The following NDFIP2 variants were observed in gnomAD, a reference collection of about 807,000 sequenced individuals.
NDFIP2 encodes NEDD4 family-interacting protein 2.
NDFIP2 carries 19 observed loss-of-function variants against 36.0 expected under a neutral mutation model. That is an observed-to-expected ratio of 0.53 (90% CI 0.37 to 0.77). The LOEUF (loss-of-function observed/expected upper bound fraction) is 0.77, where lower values mean the gene tolerates loss of function less well. NDFIP2 is among the 30% of genes least tolerant of loss of function. The pLI is 0.00. For missense variants in NDFIP2, 446 were observed against 435.8 expected, an observed-to-expected ratio of 1.02 and a Z score of -0.21; for synonymous variants, 181 against 167.7, an observed-to-expected ratio of 1.08 and a Z score of -0.61.
intron 6 of NDFIP2, among the ~76,000 whole-genome samples, chr13:79,550,764 T>G (rs1875877507): frequency 6.6e-6 from 1 of 151,636 alleles, no homozygotes; most frequent in Admixed American, 6.6e-5. Flanking sequence ...ATGTATATTT[T>G]TATGTAATTC....
intron 3 of NDFIP2, among the ~76,000 whole-genome samples, chr13:79,538,543 T>C (rs1875334801): frequency 6.6e-6 from 1 of 152,182 alleles, no homozygotes; most frequent in Non-Finnish European, 1.5e-5. Context: ...ACAAGCCCCA[T>C]GGAAGACCGA....
intron 1 of NDFIP2, among the ~76,000 whole-genome samples, chr13:79,486,568 A>G (rs1872997383): frequency 6.6e-6 from 1 of 152,228 alleles, no homozygotes; most frequent in Admixed American, 6.5e-5. Context: ...CACAAATCTT[A>G]CATGGCCTAG....
chr13:79,539,804 T>A (rs1365357102), intron 4 of NDFIP2, 29 bp downstream of exon 4: 2 of 1,591,608 alleles, frequency 1.3e-6, no homozygotes, highest in African/African-American at 2.7e-5. Flanking sequence ...CTATTTTGGG[T>A]TGTTTTTATG....
intron 2 of NDFIP2, among the ~76,000 whole-genome samples, chr13:79,523,159 A>G (rs7985291): frequency 0.027 from 4,110 of 152,288 alleles, 150 homozygotes; most frequent in African/African-American, 0.078. Flanking sequence ...GCCTAGAGCT[A>G]CAGCTAGCAC....
chr13:79,513,240 T>TA (rs1874146307), intron 1 of NDFIP2, among the ~76,000 whole-genome samples: 1 of 152,162 alleles, frequency 6.6e-6, no homozygotes, highest in South Asian at 2.1e-4. Flanking sequence ...ACTGTGGACT[T>TA]ACAATGAAAG....
At chr13:79,507,685 G>A (rs1008177502) in intron 1 of NDFIP2, among the ~76,000 whole-genome samples, 2 of 151,804 alleles carry the variant, frequency 1.3e-5, no homozygotes, top group Admixed American at 1.3e-4. Flanking sequence ...TCTATTCGTG[G>A]AATACAACTT....
chr13:79,516,431 C>T (rs1217018071), intron 1 of NDFIP2, among the ~76,000 whole-genome samples: 2 of 152,006 alleles, frequency 1.3e-5, no homozygotes, highest in Non-Finnish European at 2.9e-5. Context: ...TTGTGTTGCC[C>T]AGGCTGGTCT....
intron 1 of NDFIP2, among the ~76,000 whole-genome samples, chr13:79,494,210 C>T (rs1446824249): frequency 1.3e-5 from 2 of 151,934 alleles, no homozygotes; most frequent in Non-Finnish European, 2.9e-5. Context: ...TGATCTTGGG[C>T]CAACTATTCT....
intron 1 of NDFIP2, among the ~76,000 whole-genome samples, chr13:79,503,245 T>C (rs1000304504): frequency 9.9e-5 from 15 of 152,158 alleles, no homozygotes; most frequent in African/African-American, 3.6e-4. Context: ...TCTTATGGCC[T>C]TGTTGGAACT....
chr13:79,532,588 A>G (rs1875058757), intron 2 of NDFIP2, among the ~76,000 whole-genome samples: 1 of 152,174 alleles, frequency 6.6e-6, no homozygotes, highest in Admixed American at 6.5e-5. Flanking sequence ...AATTGGGGTG[A>G]GAAATACTTA....
chr13:79,508,091 A>T (rs1266310540), intron 1 of NDFIP2, among the ~76,000 whole-genome samples: 2 of 152,330 alleles, frequency 1.3e-5, no homozygotes, highest in East Asian at 3.9e-4. Context: ...TTTATCTGTG[A>T]TGGTTAATAC....
intron 1 of NDFIP2, among the ~76,000 whole-genome samples, chr13:79,498,712 A>G (rs1873542782): frequency 6.6e-6 from 1 of 152,026 alleles, no homozygotes; most frequent in Non-Finnish European, 1.5e-5. Context: ...ACATTAATCC[A>G]TTTATGAGGA....
intron 1 of NDFIP2, among the ~76,000 whole-genome samples, chr13:79,487,640 C>T (rs1873065133): frequency 1.3e-5 from 2 of 152,080 alleles, no homozygotes; most frequent in African/African-American, 4.8e-5. Flanking sequence ...AGTCATTATG[C>T]CATTTTACAC....
chr13:79,521,170 T>C (rs916304675), intron 2 of NDFIP2, among the ~76,000 whole-genome samples, 195 bp downstream of exon 2: 6 of 152,142 alleles, frequency 3.9e-5, no homozygotes, highest in African/African-American at 1.4e-4. Context: ...TATATATGTG[T>C]ACGTACTTAT....
intron 1 of NDFIP2, among the ~76,000 whole-genome samples, 168 bp downstream of exon 1, chr13:79,481,692 G>T (rs1194885098): frequency 6.6e-6 from 1 of 151,848 alleles, no homozygotes; most frequent in Admixed American, 6.6e-5. Flanking sequence ...CCTCACCTGC[G>T]CACTCCTGCC....
intron 1 of NDFIP2, among the ~76,000 whole-genome samples, chr13:79,508,507 C>T (rs1167721203): frequency 1.3e-5 from 2 of 152,168 alleles, no homozygotes; most frequent in African/African-American, 4.8e-5. Context: ...TCATGCCTCC[C>T]CTTTTTAGAC....
chr13:79,500,549 G>A (rs1873618929), intron 1 of NDFIP2, among the ~76,000 whole-genome samples: 1 of 151,900 alleles, frequency 6.6e-6, no homozygotes, highest in African/African-American at 2.4e-5. Flanking sequence ...AAGATATACA[G>A]ATGGCAAGTA....
Position 79,481,220 on chromosome 13 carries a change from G to T in NDFIP2, c.17G>T (p.Ser6Ile). The part of the protein sequence containing the change: MARRR[S>I]QRVCASGPSM... ...GCGGCGCGGATGGCACGCCGGCGGA[G>T]CCAGCGAGTCTGCGCGAGCGGTCCG... is the stretch of plus-strand genomic sequence containing the variant. The change falls in exon 1 of 8, where the codon AGC becomes ATC. Residue 6 changes from serine (S) to isoleucine (I), a missense_variant. By Grantham distance (142) the Ser-to-Ile change is moderately radical (BLOSUM62 -2). This residue lies in a region of NDFIP2 where 369 missense variants were observed against 304.8 expected (regional missense o/e 1.21). Transcript: ENST00000218652. 1 of 1,515,808 alleles carries T rather than the reference G, an allele frequency of 6.6e-7. No homozygotes were observed. The highest frequency in any genetic ancestry group is 8.8e-7 in the Non-Finnish European group (1 of 1,138,470). 93.9% of individuals were successfully genotyped at this position (1,515,808 alleles called of 1,614,324 possible). A position where few individuals can be genotyped will look rare whatever the true frequency, so the allele number is the denominator to read the frequency against.
chr13:79,494,119 A>G (rs759473824), intron 1 of NDFIP2, among the ~76,000 whole-genome samples: 7 of 151,848 alleles, frequency 4.6e-5, no homozygotes, highest in African/African-American at 9.7e-5. Flanking sequence ...GCTTTCTTAC[A>G]TGTCCTTGCT....
Sources: gnomAD v4.1 joint callset for allele counts (sites outside exome capture counted in the v4.1 genomes callset) on GRCh38, gnomAD v4.1.1 for gene constraint, gnomAD v4.1.1 regional missense constraint, MANE v1.5 for transcripts, NCBI Gene and HGNC (gene_info 2026-07-23, HGNC 2026-07-21) for gene names.